The following ABLIM3 variants were observed in gnomAD, a reference collection of about 807,000 sequenced individuals.
ABLIM3 encodes actin binding LIM protein family member 3.
A neutral mutation model predicts 109.5 loss-of-function variants in ABLIM3; 61 were observed. The observed-to-expected ratio is 0.56, with a 90% CI of 0.45 to 0.69. The LOEUF (loss-of-function observed/expected upper bound fraction) is 0.69, where lower values mean the gene tolerates loss of function less well. Ranked by LOEUF, ABLIM3 falls within the 30% of genes least tolerant of loss-of-function variation. The pLI is 0.00. For missense variants in ABLIM3, 796 were observed against 889.5 expected, an observed-to-expected ratio of 0.89 and a Z score of 1.34; for synonymous variants, 300 against 324.8, an observed-to-expected ratio of 0.92 and a Z score of 0.82.
intron 10 of ABLIM3, among the ~76,000 whole-genome samples, chr5:149,234,376 A>C (rs1762150952): frequency 6.6e-6 from 1 of 152,186 alleles, no homozygotes; most frequent in South Asian, 2.1e-4. Context: ...TGTGGGGAAA[A>C]TGGTCTGTAA....
chr5:149,167,773 A>G (rs1754962928), intron 2 of ABLIM3, among the ~76,000 whole-genome samples: 1 of 152,168 alleles, frequency 6.6e-6, no homozygotes. Flanking sequence ...ACAACTAATG[A>G]TACAAACACA....
rs555738731 is a variant in ABLIM3 at position 149,254,714 on chromosome 5, A to G, written c.1938+1877A>G. ...GGGCCTCCTCCTTTCACTGTCTCCA[A>G]ATGAAAGTGTCCACCAGTGCTGAAG... is the stretch of plus-strand genomic sequence containing the variant. On this transcript the variant is annotated intron_variant, in intron 23 of 23. Transcript: ENST00000309868. Among the ~76,000 whole-genome samples, 37 of 152,230 alleles carry G rather than the reference A, an allele frequency of 2.4e-4. 1 individual carries two copies. The South Asian group carries it at 5.4e-3, about 22-fold the overall frequency.
chr5:149,248,445 A>C (rs908913444), intron 18 of ABLIM3, among the ~76,000 whole-genome samples: 1 of 152,148 alleles, frequency 6.6e-6, no homozygotes. Flanking sequence ...TAATCCCAGC[A>C]CTTTAGGAGG....
chr5:149,209,292 C>T (rs1265330687), intron 6 of ABLIM3, among the ~76,000 whole-genome samples: 1 of 152,218 alleles, frequency 6.6e-6, no homozygotes, highest in African/African-American at 2.4e-5. Flanking sequence ...TGCAGCATAG[C>T]TCTGGGCCCC....
intron 3 of ABLIM3, among the ~76,000 whole-genome samples, chr5:149,189,223 C>A (rs1757255493): frequency 6.6e-6 from 1 of 151,994 alleles, no homozygotes; most frequent in Admixed American, 6.6e-5. Context: ...GATTGAAGAC[C>A]TAAATGTAGA....
rs146841634 is a variant in ABLIM3 at position 149,155,391 on chromosome 5, C to A, written c.13+13283C>A. Among the ~76,000 whole-genome samples, 523 of 152,286 alleles carry A rather than the reference C, an allele frequency of 3.4e-3. 4 individuals are homozygous for A. The highest frequency in any genetic ancestry group is 0.012 in the African/African-American group (482 of 41,552). ...ATGATGCACAGGACAGAGAACTGGACCTCAGACTGCTTCCATCCAGCATCT... is the reference window on the plus strand; with the variant it reads ...ATGATGCACAGGACAGAGAACTGGAACTCAGACTGCTTCCATCCAGCATCT... On this transcript the variant is annotated intron_variant, in intron 2 of 23. Transcript: ENST00000309868.
Position 149,217,138 on chromosome 5 carries a change from G to C in ABLIM3, c.757+92G>C, listed in dbSNP as rs1344452639. On this transcript the variant is annotated intron_variant, in intron 8 of 23. Transcript: ENST00000309868. ...CAGGTTCAGTGTTATCTTGGCTTCA[G>C]GTTCAGTGTTATCTTGGCTTTTGCC... 2.3e-5 allele frequency: 28 copies of C among 1,231,424 alleles called. No homozygotes were observed. The East Asian group carries it at 3.0e-4, about 13-fold the overall frequency. 76.3% of individuals were successfully genotyped at this position (1,231,424 alleles called of 1,614,324 possible).
At position 149,198,463 on chromosome 5, in the gene ABLIM3, C is replaced by T. The variant is rs6872559; in HGVS notation, c.335+61C>T. 0.014 allele frequency: 20,831 copies of T among 1,503,234 alleles called. 2,139 individuals carry two copies. In the African/African-American group the frequency reaches 0.24, roughly 17 times the overall value. The allele number at this position is 1,503,234 out of a possible 1,614,324, so 93.1% of individuals were successfully genotyped here. A position where few individuals can be genotyped will look rare whatever the true frequency, so the allele number is the denominator to read the frequency against. ...CATAAGCCCCCGGGGCAGGGGAAGACCTGGCTTTTTCCAGGAAGTTCTGGG... is the reference window on the plus strand; with the variant it reads ...CATAAGCCCCCGGGGCAGGGGAAGATCTGGCTTTTTCCAGGAAGTTCTGGG... On this transcript the variant is annotated intron_variant, in intron 4 of 23. Transcript: ENST00000309868. This position sits in a 1 kb window ranked among gnomAD's most constrained non-coding sequence, Gnocchi z 4.2.
At chr5:149,209,483 A>G (rs1313057502) in intron 6 of ABLIM3, among the ~76,000 whole-genome samples, 1 of 152,240 alleles carries the variant, frequency 6.6e-6, no homozygotes, top group African/African-American at 2.4e-5. Flanking sequence ...AAGGGCTCAG[A>G]GATCTGTGCT....
chr5:149,249,144 C>T (rs1753697724), intron 18 of ABLIM3, among the ~76,000 whole-genome samples: 2 of 152,320 alleles, frequency 1.3e-5, no homozygotes, highest in Middle Eastern at 6.8e-3. Context: ...AGTGACTGAG[C>T]CAGGATCAGA....
intron 2 of ABLIM3, among the ~76,000 whole-genome samples, chr5:149,165,464 C>T (rs1408811666): frequency 2.6e-5 from 4 of 152,198 alleles, no homozygotes; most frequent in Admixed American, 2.0e-4. Flanking sequence ...TAGTGCAAAC[C>T]TTTAATCTCC....
At chr5:149,232,998 C>T (rs779312089) in intron 9 of ABLIM3, among the ~76,000 whole-genome samples, 18 of 152,118 alleles carry the variant, frequency 1.2e-4, no homozygotes, top group Non-Finnish European at 2.1e-4. Context: ...GCTGCAAATA[C>T]GTAGAAAATA....
intron 3 of ABLIM3, among the ~76,000 whole-genome samples, chr5:149,187,167 G>A (rs1036710573): frequency 1.3e-5 from 2 of 152,142 alleles, no homozygotes; most frequent in African/African-American, 4.8e-5. Flanking sequence ...TGAGTGGGAG[G>A]ACAATATTTG....
At chr5:149,227,647 C>G (rs1045373391) in intron 8 of ABLIM3, among the ~76,000 whole-genome samples, 1 of 152,108 alleles carries the variant, frequency 6.6e-6, no homozygotes, top group Non-Finnish European at 1.5e-5. Flanking sequence ...TGCAGGGGGG[C>G]CCAGGAATCT....
In ABLIM3 at chr5:149,211,642, A is replaced by G. The variant is rs78405217; in HGVS notation, c.669+823A>G. ...TGGATCAGGTATTGTCAGCAGAATC[A>G]TTAATTCTGCCAAATCTGGCCAGTT... On this transcript the variant is annotated intron_variant, in intron 7 of 23. Transcript: ENST00000309868. Among the ~76,000 whole-genome samples the G allele has an allele frequency of 7.9e-5, 12 of 152,154 alleles. No individual in the cohort carries two copies. In the East Asian group the frequency reaches 2.3e-3, roughly 30 times the overall value.
chr5:149,207,753 C>G (rs1440947486), intron 6 of ABLIM3, among the ~76,000 whole-genome samples: 1 of 152,182 alleles, frequency 6.6e-6, no homozygotes, highest in Non-Finnish European at 1.5e-5. Context: ...GAGAGCAACA[C>G]CTGACCCACA....
intron 5 of ABLIM3, 87 bp downstream of exon 5, chr5:149,200,515 G>T (rs1416554057): frequency 5.7e-6 from 8 of 1,392,824 alleles, no homozygotes; most frequent in Non-Finnish European, 8.0e-6. Context: ...GCTCCCACGG[G>T]CCTGGAGGGA....
intron 8 of ABLIM3, chr5:149,218,538 A>G (rs1189158246): frequency 6.6e-6 from 1 of 152,488 alleles, no homozygotes; most frequent in Non-Finnish European, 1.5e-5. Context: ...TGGCGAGTGC[A>G]TAAGGGCAAG....
chr5:149,141,949 G>T, intron 1 of ABLIM3, 60 bp from the exon 2 acceptor site: 1 of 1,152,990 alleles, frequency 8.7e-7, no homozygotes, highest in Non-Finnish European at 1.3e-6. Flanking sequence ...GGGGACAGCA[G>T]AGGGAGAGAG....
Sources: gnomAD v4.1 joint callset for allele counts (sites outside exome capture counted in the v4.1 genomes callset) on GRCh38, gnomAD v4.1.1 for gene constraint, Gnocchi (gnomAD v3.1) non-coding constraint, MANE v1.5 for transcripts, NCBI Gene and HGNC (gene_info 2026-07-23, HGNC 2026-07-21) for gene names.